The following PARD6G variants were observed in gnomAD, a reference collection of about 807,000 sequenced individuals.
PARD6G encodes the protein par-6 family cell polarity regulator gamma.
In PARD6G, 7 loss-of-function variants were observed where a neutral mutation model predicts 10.7. The ratio of observed to expected loss-of-function variants is 0.66; its 90% CI spans 0.37 to 1.23. PARD6G has a LOEUF of 1.23. Ranked by LOEUF, PARD6G falls within the 50% of genes most tolerant of loss-of-function variation. The pLI, the probability that PARD6G is intolerant of heterozygous loss-of-function variation, is 0.02. For missense variants in PARD6G, 548 were observed against 571.8 expected, an observed-to-expected ratio of 0.96 and a Z score of 0.42; for synonymous variants, 287 against 269.4, an observed-to-expected ratio of 1.07 and a Z score of -0.64.
chr18:80,203,019 C>A, intron 1 of PARD6G, 87 bp from the exon 2 acceptor site: 1 of 859,556 alleles, frequency 1.2e-6, no homozygotes, highest in East Asian at 2.6e-5. Context: ...GTGTACTTAA[C>A]AAACAAGTAT....
intron 1 of PARD6G, among the ~76,000 whole-genome samples, chr18:80,215,066 T>C (rs911554493): frequency 5.3e-5 from 8 of 151,114 alleles, no homozygotes; most frequent in Admixed American, 2.0e-4. Flanking sequence ...TGCTGTGGAA[T>C]GACATACTTC....
At chr18:80,206,776 T>C (rs1967057977) in intron 1 of PARD6G, among the ~76,000 whole-genome samples, 1 of 151,954 alleles carries the variant, frequency 6.6e-6, no homozygotes, top group East Asian at 1.9e-4. Context: ...TAACAGTAAA[T>C]GAAAGATTCT....
At chr18:80,227,389 C>T (rs756163505) in intron 1 of PARD6G, among the ~76,000 whole-genome samples, 1 of 152,122 alleles carries the variant, frequency 6.6e-6, no homozygotes, top group Non-Finnish European at 1.5e-5. Context: ...GCAATGAGTC[C>T]CACCAGTCCG....
intron 2 of PARD6G, among the ~76,000 whole-genome samples, chr18:80,179,494 C>T (rs1336935491): frequency 6.6e-6 from 1 of 152,202 alleles, no homozygotes; most frequent in Non-Finnish European, 1.5e-5. Context: ...ACAGGGGAGT[C>T]CCAGTGACAT....
intron 2 of PARD6G, among the ~76,000 whole-genome samples, chr18:80,194,691 C>T (rs953451986): frequency 5.3e-5 from 8 of 151,782 alleles, no homozygotes; most frequent in African/African-American, 1.9e-4. Flanking sequence ...TCCTAGGCCA[C>T]GTGGGGAATT....
In PARD6G at chr18:80,212,556, T is replaced by C. The variant is rs1173879736; in HGVS notation, c.73-9624A>G. On this transcript the variant is annotated intron_variant, in intron 1 of 2. Transcript: ENST00000353265. ...TTTAATCCACCACCGCTACAACCGC[T>C]GTCAGTCACTGATTCACCAAAAATT... 2.0e-5 allele frequency among the ~76,000 whole-genome samples: 3 copies of C among 152,326 alleles called. No homozygotes were observed. In the East Asian group the frequency reaches 5.8e-4, roughly 29 times the overall value.
intron 1 of PARD6G, among the ~76,000 whole-genome samples, chr18:80,244,248 C>G (rs925524108): frequency 6.6e-6 from 1 of 152,228 alleles, no homozygotes; most frequent in African/African-American, 2.4e-5. Flanking sequence ...AAAGTCGAAG[C>G]TAAGTGGGAA....
rs1446071975 is a variant in PARD6G, at chr18:80,159,884, C to T, written c.1018G>A (p.Ala340Thr). The change falls in exon 3 of 3, where the codon GCC becomes ACC. Residue 340 changes from alanine (A) to threonine (T), a missense_variant. Physicochemically the swap from Ala to Thr is moderately conservative, Grantham distance 58. Transcript: ENST00000353265. ...AGCCGCTGGAGGCCGCCGTCCAGGG[C>T]CAGGTCCCGCTGCAGCCGCTGCGCC... The part of the protein sequence containing the change: ...GLAQRLQRDL[A>T]LDGGLQRLLS... The T allele has an allele frequency of 6.6e-6, 10 of 1,514,922 alleles. No homozygotes were observed. Among genetic ancestry groups the T allele is most frequent in the African/African-American group, 1.4e-5 (1 of 69,242 alleles). The allele number at this position is 1,514,922 out of a possible 1,614,324, so 93.8% of individuals were successfully genotyped here. A position where few individuals can be genotyped will look rare whatever the true frequency, so the allele number is the denominator to read the frequency against.
chr18:80,192,436 G>A lies in PARD6G; in HGVS notation c.295+10274C>T, dbSNP rs1054190366. On this transcript the variant is annotated intron_variant, in intron 2 of 2. Transcript: ENST00000353265. This position sits in a 1 kb window ranked among gnomAD's most constrained non-coding sequence, Gnocchi z 4.9. The stretch of plus-strand genomic sequence containing the variant: ...GCCCAGTGGGAGCCCAGGGGACGGG[G>A]GAGAGCAGGTGCCACGGCGGGAGCC... 2.6e-5 allele frequency among the ~76,000 whole-genome samples: 4 copies of A among 151,618 alleles called. No homozygotes were observed. The highest frequency in any genetic ancestry group is 5.9e-5 in the Non-Finnish European group (4 of 67,922).
Position 80,202,804 on chromosome 18 carries a change from C to A in PARD6G, c.201G>T (p.Val67=), listed in dbSNP as rs1172637663. The part of the protein sequence containing the change: ...NSDVTIGYAD[V]HGDLLPINND... The stretch of plus-strand genomic sequence containing the variant: ...TGTTGATGGGCAGCAGGTCTCCGTG[C>A]ACATCTGCATAGCCAATAGTTACAT... The change falls in exon 2 of 3, where the codon GTG becomes GTT. Residue 67 remains valine, a synonymous_variant. Coordinates refer to ENST00000353265, the MANE Select transcript of PARD6G (RefSeq NM_032510.4). 11 of 1,613,912 alleles carry A rather than the reference C, an allele frequency of 6.8e-6. No individual in the cohort carries two copies. Among genetic ancestry groups the A allele is most frequent in the Non-Finnish European group, 9.3e-6 (11 of 1,179,998 alleles).
intron 1 of PARD6G, among the ~76,000 whole-genome samples, chr18:80,244,524 CAACCCAATATCTTA>C (rs1182856861): frequency 6.6e-6 from 1 of 152,118 alleles, no homozygotes; most frequent in African/African-American, 2.4e-5. Context: ...GGCAGTTTTC[CAACCCAATATCTTA>C]AAATGCCAAA....
At chr18:80,186,840 C>T (rs1385714708) in intron 2 of PARD6G, among the ~76,000 whole-genome samples, 1 of 152,134 alleles carries the variant, frequency 6.6e-6, no homozygotes, top group African/African-American at 2.4e-5. Context: ...AAGGGCTGGG[C>T]GGGGTGGCTC....
At chr18:80,167,309 C>T (rs764577794) in intron 2 of PARD6G, among the ~76,000 whole-genome samples, 1 of 142,498 alleles carries the variant, frequency 7.0e-6, no homozygotes, top group Non-Finnish European at 1.6e-5. Context: ...TGTGTGGACC[C>T]GTGTGCAGGA....
At chr18:80,186,871 T>G (rs868857516) in intron 2 of PARD6G, among the ~76,000 whole-genome samples, 3 of 152,048 alleles carry the variant, frequency 2.0e-5, no homozygotes, top group South Asian at 4.1e-4. Flanking sequence ...TCCCAGCACT[T>G]TGGGAGGCCG....
rs956208619 is a variant in PARD6G, at chr18:80,181,474, C to T, written c.296-20868G>A. On this transcript the variant is annotated intron_variant, in intron 2 of 2. Coordinates refer to ENST00000353265, the MANE Select transcript of PARD6G (RefSeq NM_032510.4). The surrounding 1 kb of genome is among the most constrained non-coding windows in gnomAD (Gnocchi z 7.9). ...CTGTGAGCCCTCAAGAAGGCCTCAT[C>T]TCCATACAGCGCTGCGGCCAGCTGG... 5.9e-5 allele frequency among the ~76,000 whole-genome samples: 9 copies of T among 152,200 alleles called. No individual in the cohort carries two copies. Among genetic ancestry groups the T allele is most frequent in the Non-Finnish European group, 1.2e-4 (8 of 68,036 alleles).
intron 1 of PARD6G, among the ~76,000 whole-genome samples, chr18:80,235,265 A>G (rs1251457381): frequency 6.6e-6 from 1 of 152,254 alleles, no homozygotes; most frequent in African/African-American, 2.4e-5. Flanking sequence ...ACTACTGGGT[A>G]CATAACAAAT....
intron 2 of PARD6G, among the ~76,000 whole-genome samples, chr18:80,176,110 G>A (rs764864301): frequency 6.6e-6 from 1 of 152,098 alleles, no homozygotes; most frequent in Non-Finnish European, 1.5e-5. Flanking sequence ...ACAGAAAAGC[G>A]GGGGTGGGGG....
rs114652743 is a variant in PARD6G at position 80,242,316 on chromosome 18, G to A, written c.72+4961C>T. Among the ~76,000 whole-genome samples the A allele has an allele frequency of 8.4e-3, 1,273 of 152,318 alleles. 17 individuals carry two copies. The highest frequency in any genetic ancestry group is 0.029 in the African/African-American group (1,224 of 41,566). ...CACAGGTGAGTCAAACCATGTCCAG[G>A]CAATTCTTAACTGGCCCACAGGAGG... On this transcript the variant is annotated intron_variant, in intron 1 of 2. Coordinates refer to ENST00000353265, the MANE Select transcript of PARD6G (RefSeq NM_032510.4).
chr18:80,187,984 G>C (rs2052889130), intron 2 of PARD6G: 1 of 152,194 alleles, frequency 6.6e-6, no homozygotes, highest in Admixed American at 6.5e-5. Context: ...CATAGATAAG[G>C]TGCAGAAAAA....
Sources: allele counts gnomAD v4.1 joint callset (sites outside exome capture counted in the v4.1 genomes callset), GRCh38; gene constraint gnomAD v4.1.1; non-coding constraint Gnocchi (gnomAD v3.1); transcripts MANE v1.5; gene names NCBI Gene and HGNC (gene_info 2026-07-23, HGNC 2026-07-21).